Variants in SMIM36 observed in about 807,000 individuals in gnomAD.
The protein encoded by SMIM36 is small integral membrane protein 36.
chr17:55,463,829 G>A (rs1397669026), intron 4 of SMIM36, among the ~76,000 whole-genome samples: 1 of 151,820 alleles, frequency 6.6e-6, no homozygotes, highest in African/African-American at 2.4e-5. Flanking sequence ...CTGACTATAA[G>A]AAAAGAGGAT....
the SMIM36 span, among the ~76,000 whole-genome samples, chr17:55,523,043 T>C: frequency 6.6e-6 from 1 of 152,202 alleles, no homozygotes; most frequent in Admixed American, 6.5e-5. Flanking sequence ...AAAGAGGTCC[T>C]AGTTTAATGC....
chr17:55,492,242 C>CTTTTTT (rs770501215), intron 1 of SMIM36, among the ~76,000 whole-genome samples: 39 of 111,284 alleles, frequency 3.5e-4, no homozygotes, highest in South Asian at 5.6e-4. Flanking sequence ...TTCTTTCTTT[C>CTTTTTT]TTTTTTTTTT....
At chr17:55,479,910 T>A (rs1395231329) in intron 1 of SMIM36, among the ~76,000 whole-genome samples, 1 of 152,166 alleles carries the variant, frequency 6.6e-6, no homozygotes, top group African/African-American at 2.4e-5. Context: ...ACACTTTTAC[T>A]TCCTAGCTGG....
At chr17:55,473,559 G>T (rs145762176) in intron 3 of SMIM36, among the ~76,000 whole-genome samples, 42 of 152,138 alleles carry the variant, frequency 2.8e-4, no homozygotes, top group African/African-American at 1.0e-3. Flanking sequence ...GTATTCAGTG[G>T]AACCTTCCTA....
At chr17:55,482,299 C>G (rs1479934550) in intron 1 of SMIM36, among the ~76,000 whole-genome samples, 1 of 152,180 alleles carries the variant, frequency 6.6e-6, no homozygotes, top group Non-Finnish European at 1.5e-5. Context: ...GCATCCACAA[C>G]ATCCTCCCCA....
intron 1 of SMIM36, among the ~76,000 whole-genome samples, chr17:55,509,515 C>T (rs1910143892): frequency 6.6e-6 from 1 of 152,156 alleles, no homozygotes; most frequent in African/African-American, 2.4e-5. Context: ...GCCAGACACT[C>T]GTGTCTCTGT....
chr17:55,464,238 T>C (rs1214663752), intron 4 of SMIM36, among the ~76,000 whole-genome samples: 1 of 152,222 alleles, frequency 6.6e-6, no homozygotes, highest in Non-Finnish European at 1.5e-5. Flanking sequence ...AATTAATTGA[T>C]TGATTTATAC....
chr17:55,531,527 C>T, the SMIM36 span, among the ~76,000 whole-genome samples: 1 of 152,150 alleles, frequency 6.6e-6, no homozygotes, highest in Admixed American at 6.5e-5. Context: ...GACTGATGAA[C>T]AATAAATATT....
At chr17:55,516,554 C>CTTTT in the SMIM36 span, among the ~76,000 whole-genome samples, 7 of 98,552 alleles carry the variant, frequency 7.1e-5, no homozygotes, top group Non-Finnish European at 1.3e-4. Context: ...AACAGTCTTC[C>CTTTT]TTTTTTTTTT....
chr17:55,517,867 A>G, the SMIM36 span, among the ~76,000 whole-genome samples: 15 of 152,224 alleles, frequency 9.9e-5, no homozygotes, highest in African/African-American at 3.6e-4. Flanking sequence ...GATGACATTA[A>G]AAGAAGGTGT....
chr17:55,463,764 T>C (rs1909186139), intron 4 of SMIM36, among the ~76,000 whole-genome samples: 1 of 152,010 alleles, frequency 6.6e-6, no homozygotes, highest in Admixed American at 6.6e-5. Context: ...TGTTTTTTTT[T>C]CTCCCCAAAG....
intron 3 of SMIM36, among the ~76,000 whole-genome samples, chr17:55,471,483 T>C (rs1909341024): frequency 6.6e-6 from 1 of 152,134 alleles, no homozygotes; most frequent in Non-Finnish European, 1.5e-5. Context: ...GCAGACCATG[T>C]TCAGTTAATC....
upstream of SMIM36, among the ~76,000 whole-genome samples, chr17:55,512,100 G>A (rs1910191503): frequency 6.6e-6 from 1 of 152,206 alleles, no homozygotes; most frequent in African/African-American, 2.4e-5. Context: ...TAAGAGGACA[G>A]CGTGTCCCAG....
intron 1 of SMIM36, among the ~76,000 whole-genome samples, chr17:55,481,830 A>G (rs1909525897): frequency 6.6e-6 from 1 of 152,092 alleles, no homozygotes. Context: ...ACTAGCTGAG[A>G]CTACAGGCTT....
At chr17:55,459,103 GAGCCC>G (rs1909088680) in intron 4 of SMIM36, among the ~76,000 whole-genome samples, 1 of 152,144 alleles carries the variant, frequency 6.6e-6, no homozygotes, top group Non-Finnish European at 1.5e-5. Context: ...CATGGGGTCG[GAGCCC>G]CACAGCCTGT....
chr17:55,456,174 T>C (rs1909019828), intron 4 of SMIM36, among the ~76,000 whole-genome samples: 1 of 135,930 alleles, frequency 7.4e-6, no homozygotes, highest in South Asian at 2.6e-4. Context: ...TCAAAGTCCA[T>C]ATCCCTCATC....
At chr17:55,530,223 A>T in the SMIM36 span, among the ~76,000 whole-genome samples, 1 of 152,194 alleles carries the variant, frequency 6.6e-6, no homozygotes, top group Non-Finnish European at 1.5e-5. Context: ...GCTTCCAGAG[A>T]TTGACTGAGG....
chr17:55,481,861 TTTTG>T (rs1394467163), intron 1 of SMIM36, among the ~76,000 whole-genome samples: 2 of 152,026 alleles, frequency 1.3e-5, no homozygotes, highest in Non-Finnish European at 2.9e-5. Context: ...GCCCAGCTAA[TTTTG>T]TTTATTTTTT....
intron 4 of SMIM36, among the ~76,000 whole-genome samples, chr17:55,454,594 T>C (rs1908982725): frequency 6.6e-6 from 1 of 152,234 alleles, no homozygotes; most frequent in South Asian, 2.1e-4. Flanking sequence ...TTTGAGTCTA[T>C]ATACATGTAT....
Sources: gnomAD v4.1 joint callset for allele counts (sites outside exome capture counted in the v4.1 genomes callset) on GRCh38, gnomAD v4.1.1 for gene constraint, MANE v1.5 for transcripts, NCBI Gene and HGNC (gene_info 2026-07-23, HGNC 2026-07-21) for gene names.